Variants in VPS13B observed in about 807,000 individuals in gnomAD.
VPS13B encodes the protein intermembrane lipid transfer protein VPS13B.
A neutral mutation model predicts 426.4 loss-of-function variants in VPS13B; 285 were observed. That is an observed-to-expected ratio of 0.67 (90% CI 0.61 to 0.74). The LOEUF is 0.74. VPS13B is among the 30% of genes least tolerant of loss of function. The pLI is 0.00. For synonymous variants in VPS13B, 1,676 were observed against 1,676.4 expected, an observed-to-expected ratio of 1.00 and a Z score of 0.01; for missense variants, 4,537 against 4,782.6, an observed-to-expected ratio of 0.95 and a Z score of 1.51.
intron 30 of VPS13B, among the ~76,000 whole-genome samples, chr8:99,539,335 AATG>A (rs1823429401): frequency 6.6e-6 from 1 of 152,212 alleles, no homozygotes; most frequent in African/African-American, 2.4e-5. Context: ...ATTTAATAAG[AATG>A]ATGTATGATT....
intron 44 of VPS13B, among the ~76,000 whole-genome samples, chr8:99,817,160 T>C (rs751079217): frequency 3.3e-5 from 5 of 151,870 alleles, no homozygotes; most frequent in African/African-American, 7.3e-5. Context: ...AGTCTGCCCT[T>C]GGAGTATTGG....
chr8:99,521,045 A>G (rs772501910), intron 30 of VPS13B, 35 bp downstream of exon 30: 11 of 1,543,670 alleles, frequency 7.1e-6, no homozygotes, highest in Admixed American at 5.0e-5. Flanking sequence ...TCTTGCAACA[A>G]TTTTCATCCT....
chr8:99,476,648 C>T (rs1819706079), intron 24 of VPS13B, among the ~76,000 whole-genome samples: 1 of 151,994 alleles, frequency 6.6e-6, no homozygotes, highest in Non-Finnish European at 1.5e-5. Flanking sequence ...CGTAAGAAAC[C>T]ACGAAGGCCA....
intron 16 of VPS13B, among the ~76,000 whole-genome samples, chr8:99,191,614 C>T (rs775100392): frequency 6.6e-6 from 1 of 151,786 alleles, no homozygotes; most frequent in Non-Finnish European, 1.5e-5. Flanking sequence ...GAACTCCTGA[C>T]CTTGTGATCC....
intron 8 of VPS13B, 88 bp downstream of exon 8, chr8:99,121,533 T>G (rs1225960595): frequency 6.4e-7 from 1 of 1,568,798 alleles, no homozygotes; most frequent in South Asian, 1.2e-5. Flanking sequence ...TATTCAAGTT[T>G]GCTTTGCATT....
At chr8:99,604,087 A>G (rs775985293) in intron 33 of VPS13B, among the ~76,000 whole-genome samples, 5 of 152,186 alleles carry the variant, frequency 3.3e-5, no homozygotes, top group Non-Finnish European at 4.4e-5. Flanking sequence ...ATTTGGCTCT[A>G]AACTTCTTGG....
chr8:99,205,484 C>G (rs912938018), intron 17 of VPS13B, among the ~76,000 whole-genome samples: 2 of 152,082 alleles, frequency 1.3e-5, no homozygotes, highest in African/African-American at 4.8e-5. Context: ...ACACATGTAT[C>G]CCAGAACTTA....
At chr8:99,443,779 A>G (rs1042807091) in intron 23 of VPS13B, among the ~76,000 whole-genome samples, 3 of 152,180 alleles carry the variant, frequency 2.0e-5, no homozygotes, top group African/African-American at 7.2e-5. Flanking sequence ...TGGTATAAAC[A>G]TTCCTTTACA....
intron 30 of VPS13B, among the ~76,000 whole-genome samples, chr8:99,538,793 G>A (rs1426685199): frequency 3.3e-5 from 5 of 152,116 alleles, no homozygotes; most frequent in East Asian, 3.9e-4. Flanking sequence ...CCTACCATTC[G>A]CTAGCTATTT....
In VPS13B at chr8:99,507,859, G is replaced by A. The variant is rs75933366; in HGVS notation, c.4224+656G>A. ...CTGAACAGACGCACCTTGTTGGTTC[G>A]ACCCATCAGCAAGCAGGACCCTTTC... On this transcript the variant is annotated intron_variant, in intron 28 of 61. Coordinates refer to ENST00000357162, the MANE Select transcript of VPS13B (RefSeq NM_152564.5). The A allele has an allele frequency of 2.0e-3, 3,207 of 1,613,910 alleles. 48 individuals are homozygous for A. In the African/African-American group the frequency reaches 0.038, roughly 19 times the overall value.
chr8:99,288,693 CTGA>C (rs1168771862), intron 19 of VPS13B, among the ~76,000 whole-genome samples: 1 of 151,846 alleles, frequency 6.6e-6, no homozygotes, highest in Non-Finnish European at 1.5e-5. Context: ...CTTTATTTTT[CTGA>C]TAATTGTTTT....
At chr8:99,862,025 G>T (rs536015222) in intron 58 of VPS13B, 79 bp downstream of exon 58, 8 of 1,465,130 alleles carry the variant, frequency 5.5e-6, no homozygotes, top group East Asian at 2.5e-5. Context: ...GGGCAACTTC[G>T]CCTTCTGCCT....
intron 36 of VPS13B, among the ~76,000 whole-genome samples, chr8:99,706,939 T>G (rs903403681): frequency 5.3e-5 from 8 of 152,136 alleles, no homozygotes; most frequent in African/African-American, 1.7e-4. Context: ...CTTGTCCATA[T>G]AAGCCAGTAG....
intron 15 of VPS13B, among the ~76,000 whole-genome samples, chr8:99,166,642 A>G (rs1413188830): frequency 3.3e-5 from 5 of 152,200 alleles, no homozygotes; most frequent in Non-Finnish European, 7.4e-5. Context: ...TGTCCATGCT[A>G]TCCTTTCTAC....
rs558799056 is a variant in VPS13B, at chr8:99,343,080, AT to A, written c.2825-41126del. On this transcript the variant is annotated intron_variant, in intron 19 of 61. Transcript: ENST00000357162. ...ACACAAATGGCAAATGTTCAGGTTT[AT>A]TGCCCATTTTTCTTTCTTTTTTTTT... Among the ~76,000 whole-genome samples, 296 of 147,462 alleles carry A rather than the reference AT, an allele frequency of 2.0e-3. 3 individuals are homozygous for A. The highest frequency in any genetic ancestry group is 3.4e-3 in the Non-Finnish European group (226 of 66,842).
At chr8:99,474,424 C>A (rs567071998) in intron 24 of VPS13B, among the ~76,000 whole-genome samples, 2 of 151,948 alleles carry the variant, frequency 1.3e-5, no homozygotes, top group South Asian at 4.2e-4. Context: ...CAATTTCAAG[C>A]AATCCACCTG....
intron 17 of VPS13B, among the ~76,000 whole-genome samples, chr8:99,202,471 A>C (rs1056247887): frequency 6.6e-6 from 1 of 152,202 alleles, no homozygotes; most frequent in African/African-American, 2.4e-5. Flanking sequence ...AAATTCCTGG[A>C]CACAGCCTCA....
At chr8:99,708,410 T>C in intron 36 of VPS13B, among the ~76,000 whole-genome samples, 1 of 152,180 alleles carries the variant, frequency 6.6e-6, no homozygotes, top group East Asian at 1.9e-4. Context: ...GCCAGCTCAG[T>C]AGGCATTTCT....
At chr8:99,688,956 C>A (rs1162612472) in intron 35 of VPS13B, among the ~76,000 whole-genome samples, 1 of 152,004 alleles carries the variant, frequency 6.6e-6, no homozygotes, top group Admixed American at 6.6e-5. Flanking sequence ...GGGAGAATGA[C>A]TGGATCAGAG....
Sources: allele counts gnomAD v4.1 joint callset (sites outside exome capture counted in the v4.1 genomes callset), GRCh38; gene constraint gnomAD v4.1.1; transcripts MANE v1.5; gene names NCBI Gene and HGNC (gene_info 2026-07-23, HGNC 2026-07-21).